Variants in CLEC1A observed in about 807,000 individuals in gnomAD.
CLEC1A encodes the protein C-type lectin-like receptor-1.
Under a neutral mutation model 28.7 loss-of-function variants are expected in CLEC1A, and 34 were observed. The ratio of observed to expected loss-of-function variants is 1.18; its 90% confidence interval spans 0.90 to 1.57. The LOEUF (loss-of-function observed/expected upper bound fraction) is 1.57, where lower values mean the gene tolerates loss of function less well. Among genes scored for constraint, CLEC1A ranks in the 40% most tolerant of loss-of-function variants. CLEC1A has a pLI of 0.00. For synonymous variants in CLEC1A, 116 were observed against 121.0 expected, an observed-to-expected ratio of 0.96 and a Z score of 0.27; for missense variants, 385 against 339.5, an observed-to-expected ratio of 1.13 and a Z score of -1.05.
At chr12:10,080,725 G>C (rs1300693039) in intron 3 of CLEC1A, among the ~76,000 whole-genome samples, 2 of 152,152 alleles carry the variant, frequency 1.3e-5, no homozygotes, top group Non-Finnish European at 2.9e-5. Context: ...TATCAACGGT[G>C]GTTCACCTAC....
chr12:10,072,962 C>T (rs1360169004), intron 5 of CLEC1A, among the ~76,000 whole-genome samples: 2 of 152,118 alleles, frequency 1.3e-5, no homozygotes, highest in Admixed American at 6.5e-5. Flanking sequence ...CGCCTGTAGT[C>T]CGAGCTACTC....
Position 10,081,341 on chromosome 12 carries a change from G to T in CLEC1A, c.287C>A (p.Thr96Lys). 12 of 1,612,982 alleles carry T rather than the reference G, an allele frequency of 7.4e-6. No individual in the cohort carries two copies. The highest frequency in any genetic ancestry group is 2.2e-5 in the South Asian group (2 of 90,910). ...ISQMEERLGN[T>K]SQELQSLQVQ... Reference sequence around the variant, plus strand: ...TTGAAGAGATTGCAACTCTTGGGACGTATTTCCTAATCTTTCTTCCATTTG... The same window carrying T: ...TTGAAGAGATTGCAACTCTTGGGACTTATTTCCTAATCTTTCTTCCATTTG... The change falls in exon 3 of 6, where the codon ACG (threonine) becomes AAG (lysine). Residue 96 changes from threonine (T) to lysine (K), a missense_variant. Coordinates refer to ENST00000315330, the MANE Select transcript of CLEC1A (RefSeq NM_016511.4).
chr12:10,083,287 G>A (rs964850584), intron 2 of CLEC1A, among the ~76,000 whole-genome samples: 1 of 152,034 alleles, frequency 6.6e-6, no homozygotes, highest in African/African-American at 2.4e-5. Flanking sequence ...AAATAATTCT[G>A]GTAATATGAC....
At chr12:10,095,540 CA>C (rs977738330) in intron 1 of CLEC1A, among the ~76,000 whole-genome samples, 2 of 151,878 alleles carry the variant, frequency 1.3e-5, no homozygotes, top group South Asian at 2.1e-4. Flanking sequence ...ATTTTATCTT[CA>C]AAAAAAAAGA....
rs141143202 is a variant in CLEC1A at position 10,074,525 on chromosome 12, C to T, written c.543+979G>A. On this transcript the variant is annotated intron_variant, in intron 4 of 5. Coordinates refer to ENST00000315330, the MANE Select transcript of CLEC1A (RefSeq NM_016511.4). Reference sequence around the variant, plus strand: ...TAGGTTCAACAAGACAATTTCCTACCACGTGATATAATATAGTTCAGTTTT... The same window carrying T: ...TAGGTTCAACAAGACAATTTCCTACTACGTGATATAATATAGTTCAGTTTT... Among the ~76,000 whole-genome samples the T allele has an allele frequency of 7.1e-3, 1,080 of 151,858 alleles. 12 individuals carry two copies. Among genetic ancestry groups the T allele is most frequent in the Non-Finnish European group, 0.011 (750 of 67,932 alleles).
At chr12:10,082,003 T>C (rs1284079579) in intron 2 of CLEC1A, among the ~76,000 whole-genome samples, 3 of 152,100 alleles carry the variant, frequency 2.0e-5, no homozygotes. Flanking sequence ...GGCACTCCCA[T>C]TCTCCAGCTC....
chr12:10,093,373 G>GGAAAA (rs528025570), intron 1 of CLEC1A, among the ~76,000 whole-genome samples: 5 of 130,708 alleles, frequency 3.8e-5, no homozygotes, highest in African/African-American at 5.6e-5. Flanking sequence ...GATATATATA[G>GGAAAA]AAAAAAAAAA....
intron 1 of CLEC1A, among the ~76,000 whole-genome samples, chr12:10,094,214 C>G: frequency 6.6e-6 from 1 of 151,972 alleles, no homozygotes; most frequent in East Asian, 1.9e-4. Context: ...GATAATTGCT[C>G]AAATTTCTTG....
At chr12:10,091,314 T>A (rs1366070004) in intron 1 of CLEC1A, among the ~76,000 whole-genome samples, 2 of 152,124 alleles carry the variant, frequency 1.3e-5, no homozygotes, top group Non-Finnish European at 2.9e-5. Context: ...AAAAATGAAA[T>A]AATAAAAAAT....
intron 2 of CLEC1A, chr12:10,084,059 A>G (rs1866427407): frequency 6.6e-6 from 1 of 152,186 alleles, no homozygotes; most frequent in Admixed American, 6.5e-5. Context: ...AAATGGCCAA[A>G]CCTAAGAATA....
At chr12:10,087,684 G>A (rs1175637414) in intron 2 of CLEC1A, among the ~76,000 whole-genome samples, 1 of 150,076 alleles carries the variant, frequency 6.7e-6, no homozygotes, top group African/African-American at 2.5e-5. Context: ...CACCATGCCT[G>A]GCTAAGTTTT....
In CLEC1A at chr12:10,071,630, G is replaced by A. The variant is rs192695290; in HGVS notation, c.663-117C>T. 2.1e-3 allele frequency: 1,668 copies of A among 792,496 alleles called. 2 individuals are homozygous for A. The highest frequency in any genetic ancestry group is 4.4e-3 in the Middle Eastern group (11 of 2,500). 49.1% of individuals were successfully genotyped at this position (792,496 alleles called of 1,614,324 possible). On this transcript the variant is annotated intron_variant, in intron 5 of 5. Coordinates refer to ENST00000315330, the MANE Select transcript of CLEC1A (RefSeq NM_016511.4). ...GTCTAGATACCAGAATAAGTTTACC[G>A]GGAAACTGGGGTCATGTGCCTCTTT...
At position 10,097,193 on chromosome 12, in the gene CLEC1A, G is replaced by A. The variant is rs77544854; in HGVS notation, c.115+1615C>T. ...TTTTAAACACAAACATAGTTGTTACGTCAATTGTTATTGACAAAAGTCTAG... is the reference window on the plus strand; with the variant it reads ...TTTTAAACACAAACATAGTTGTTACATCAATTGTTATTGACAAAAGTCTAG... On this transcript the variant is annotated intron_variant, in intron 1 of 5. Coordinates refer to ENST00000315330, the MANE Select transcript of CLEC1A (RefSeq NM_016511.4). Among the ~76,000 whole-genome samples, 51 of 152,078 alleles carry A rather than the reference G, an allele frequency of 3.4e-4. No homozygotes were observed. The East Asian group carries it at 7.3e-3, about 22-fold the overall frequency.
chr12:10,096,643 A>G lies in CLEC1A; in HGVS notation c.115+2165T>C, dbSNP rs572858248. On this transcript the variant is annotated intron_variant, in intron 1 of 5. Coordinates refer to ENST00000315330, the MANE Select transcript of CLEC1A (RefSeq NM_016511.4). ...CCCTAAAATCCCTCCTTAACTTGCC[A>G]GACTTACCCCTTTGCTAAGTTTCCC... is the stretch of plus-strand genomic sequence containing the variant. Among the ~76,000 whole-genome samples the G allele has an allele frequency of 5.9e-5, 9 of 152,266 alleles. No homozygotes were observed. The East Asian group carries it at 1.7e-3, about 29-fold the overall frequency.
At chr12:10,075,753 C>T in intron 3 of CLEC1A, 98 bp from the exon 4 acceptor site, 1 of 1,036,548 alleles carries the variant, frequency 9.6e-7, no homozygotes, top group South Asian at 1.6e-5. Context: ...AAAGAATTAA[C>T]TCTTCCTCAA....
At chr12:10,096,847 CCA>C (rs1476940140) in intron 1 of CLEC1A, among the ~76,000 whole-genome samples, 4 of 152,242 alleles carry the variant, frequency 2.6e-5, no homozygotes, top group Middle Eastern at 3.4e-3. Context: ...TAACTCAACT[CCA>C]CAGTTGCTCC....
intron 1 of CLEC1A, among the ~76,000 whole-genome samples, chr12:10,093,030 C>T (rs373157405): frequency 6.4e-4 from 98 of 152,212 alleles, no homozygotes; most frequent in African/African-American, 2.1e-3. Context: ...GCTCCCATGA[C>T]GGAAAGTCCA....
At chr12:10,078,581 T>C (rs1866301019) in intron 3 of CLEC1A, among the ~76,000 whole-genome samples, 1 of 152,200 alleles carries the variant, frequency 6.6e-6, no homozygotes. Flanking sequence ...ATAGGATTGA[T>C]TAATCTCTCA....
chr12:10,098,637 T>A, intron 1 of CLEC1A, among the ~76,000 whole-genome samples, 171 bp downstream of exon 1: 1 of 128,200 alleles, frequency 7.8e-6, no homozygotes, highest in Middle Eastern at 3.6e-3. Context: ...AGTGTGGGAA[T>A]TATGGAACTG....
Sources: gnomAD v4.1 joint callset for allele counts (sites outside exome capture counted in the v4.1 genomes callset) on GRCh38, gnomAD v4.1.1 for gene constraint, MANE v1.5 for transcripts, NCBI Gene and HGNC (gene_info 2026-07-23, HGNC 2026-07-21) for gene names.